Variants in CELSR1 observed in about 807,000 individuals in gnomAD.
CELSR1 encodes the protein cadherin EGF LAG seven-pass G-type receptor 1.
Under a neutral mutation model 249.1 loss-of-function variants are expected in CELSR1, and 110 were observed. The observed-to-expected ratio is 0.44, with a 90% CI of 0.38 to 0.52. The LOEUF (loss-of-function observed/expected upper bound fraction) is 0.52, where lower values mean the gene tolerates loss of function less well. Ranked by LOEUF, CELSR1 falls within the 20% of genes least tolerant of loss-of-function variation. The probability of loss-of-function intolerance (pLI) is 0.00; values close to 1 mark genes in which losing one functional copy is unlikely to be tolerated. For missense variants in CELSR1, 4,109 were observed against 4,296.4 expected, an observed-to-expected ratio of 0.96 and a Z score of 1.22; for synonymous variants, 2,113 against 1,900.0, an observed-to-expected ratio of 1.11 and a Z score of -2.92.
chr22:46,506,705 C>T lies in CELSR1; in HGVS notation c.3544+26922G>A, dbSNP rs2080518296. The stretch of plus-strand genomic sequence containing the variant: ...AGTGACGCACAGCCGCTGAGACAAG[C>T]CCAAATCGAGAGTTACGTTCTAATT... On this transcript the variant is annotated intron_variant, in intron 1 of 34. Transcript: ENST00000674500. The surrounding 1 kb of genome is among the most constrained non-coding windows in gnomAD (Gnocchi z 4.1). 6.6e-6 allele frequency among the ~76,000 whole-genome samples: 1 copy of T among 152,210 alleles called. No homozygotes were observed. The highest frequency in any genetic ancestry group is 2.1e-4 in the South Asian group (1 of 4,824).
In CELSR1 at chr22:46,390,576, ACC is replaced by A; in HGVS notation, c.6251-92_6251-91del. On this transcript the variant is annotated intron_variant, in intron 16 of 34. Coordinates refer to ENST00000674500, the MANE Select transcript of CELSR1 (RefSeq NM_001378328.1). The surrounding 1 kb of genome is among the most constrained non-coding windows in gnomAD (Gnocchi z 6.3). ...CAATCCACAATCTGAATATACTTAA[ACC>A]CAGAACACTGCGTGGTGGTTAGAAC... The A allele has an allele frequency of 9.4e-7, 1 of 1,062,378 alleles. No individual in the cohort carries two copies. The allele number at this position is 1,062,378 out of a possible 1,614,324, so 65.8% of individuals were successfully genotyped here. A position where few individuals can be genotyped will look rare whatever the true frequency, so the allele number is the denominator to read the frequency against.
chr22:46,462,708 T>A (rs968613442), intron 2 of CELSR1: 3 of 257,112 alleles, frequency 1.2e-5, no homozygotes, highest in Non-Finnish European at 2.3e-5. Flanking sequence ...GCTTATCAAA[T>A]GAGCCGTCAT....
chr22:46,456,919 G>T (rs1466873724), intron 2 of CELSR1, among the ~76,000 whole-genome samples: 2 of 151,772 alleles, frequency 1.3e-5, no homozygotes, highest in Non-Finnish European at 2.9e-5. Flanking sequence ...GCTCATACAG[G>T]ACAATTGCTA....
rs757960525 is a variant in CELSR1, at chr22:46,410,435, G to A, written c.4896C>T (p.Asp1632=). The A allele has an allele frequency of 5.0e-6, 8 of 1,614,080 alleles. No homozygotes were observed. The South Asian group carries it at 7.7e-5, about 16-fold the overall frequency. The change falls in exon 7 of 35, where the codon GAC becomes GAT. Residue 1632 remains aspartate (D), a synonymous_variant. Coordinates refer to ENST00000674500, the MANE Select transcript of CELSR1 (RefSeq NM_001378328.1). The surrounding 1 kb of genome is among the most constrained non-coding windows in gnomAD (Gnocchi z 6.8). ...CATTGTTGGCGATGAATCCGGCCAT[G>A]TCCACATTTTTGCCGTCGACTGACA... ...RNLSVDGKNV[D]MAGFIANNGT...
intron 2 of CELSR1, among the ~76,000 whole-genome samples, chr22:46,450,140 G>C (rs900562173): frequency 6.6e-6 from 1 of 152,322 alleles, no homozygotes; most frequent in Middle Eastern, 3.4e-3. Flanking sequence ...TCAGCAATGG[G>C]TCATGCACAG....
At chr22:46,377,399 G>T (rs112922664) in intron 23 of CELSR1, 138 bp from the exon 24 acceptor site, 2 of 917,542 alleles carry the variant, frequency 2.2e-6, no homozygotes, top group South Asian at 1.6e-5. Context: ...TGGGGAGGCC[G>T]AGTGCTCATG....
rs2147329518 is a variant in CELSR1 at position 46,410,091 on chromosome 22, C to A, written c.4934-211G>T. 6.6e-6 allele frequency among the ~76,000 whole-genome samples: 1 copy of A among 152,340 alleles called. No individual in the cohort carries two copies. Among genetic ancestry groups the A allele is most frequent in the African/African-American group, 2.4e-5 (1 of 41,578 alleles). On this transcript the variant is annotated intron_variant, in intron 7 of 34. Coordinates refer to ENST00000674500, the MANE Select transcript of CELSR1 (RefSeq NM_001378328.1). This position sits in a 1 kb window ranked among gnomAD's most constrained non-coding sequence, Gnocchi z 6.8. ...ATTTGGAGACGCTGGGACGCCAGGC[C>A]ATCACGGCAGCCGGCCCGGTCACCT... is the stretch of plus-strand genomic sequence containing the variant.
Position 46,399,356 on chromosome 22 carries a change from CG to C in CELSR1, c.5412+360del, listed in dbSNP as rs1361926644. Among the ~76,000 whole-genome samples, 1 of 152,190 alleles carries C rather than the reference CG, an allele frequency of 6.6e-6. No homozygotes were observed. Among genetic ancestry groups the C allele is most frequent in the East Asian group, 1.9e-4 (1 of 5,198 alleles). ...GCTCCCCATCCATGCTCTGAGGGCA[CG>C]GGCCCCAGCATTGCTACTTCAGTAC... On this transcript the variant is annotated intron_variant, in intron 10 of 34. Coordinates refer to ENST00000674500, the MANE Select transcript of CELSR1 (RefSeq NM_001378328.1). This position sits in a 1 kb window ranked among gnomAD's most constrained non-coding sequence, Gnocchi z 5.0.
chr22:46,365,098 C>G, intron 32 of CELSR1, 133 bp downstream of exon 32: 1 of 1,289,068 alleles, frequency 7.8e-7, no homozygotes, highest in Non-Finnish European at 1.0e-6. Context: ...GTCCCCCCAC[C>G]CCAGGCTGTC....
Position 46,364,587 on chromosome 22 carries a change from C to T in CELSR1, c.8704G>A (p.Gly2902Arg). ...LHREEQGSHR[G>R]EYPPDQESGG... ...CTCTCCTGGTCCGGGGGGTACTCTC[C>T]ACGGTGACTGCCCTGCTCCTCGCGG... Residue 2902 changes from glycine (G) to arginine (R), a missense_variant, in exon 33 of 35, where the codon GGA becomes AGA. Physicochemically the swap from Gly to Arg is moderately radical, Grantham distance 125. Coordinates refer to ENST00000674500, the MANE Select transcript of CELSR1 (RefSeq NM_001378328.1). 6.2e-7 allele frequency: 1 copy of T among 1,612,660 alleles called. No individual in the cohort carries two copies. The highest frequency in any genetic ancestry group is 8.5e-7 in the Non-Finnish European group (1 of 1,179,896).
chr22:46,421,943 A>C (rs1357626354), intron 5 of CELSR1, among the ~76,000 whole-genome samples: 1 of 152,198 alleles, frequency 6.6e-6, no homozygotes, highest in Non-Finnish European at 1.5e-5. Flanking sequence ...TTCCTATGAG[A>C]CAGAATCAAA....
chr22:46,419,760 AC>A (rs2079443943), intron 5 of CELSR1, among the ~76,000 whole-genome samples: 1 of 149,336 alleles, frequency 6.7e-6, no homozygotes, highest in Non-Finnish European at 1.5e-5. Context: ...TCAAACCCAC[AC>A]GTGCACACTC....
At chr22:46,525,546 C>T (rs993951758) in intron 1 of CELSR1, among the ~76,000 whole-genome samples, 28 of 152,084 alleles carry the variant, frequency 1.8e-4, no homozygotes, top group African/African-American at 6.5e-4. Context: ...CCCGTGTGTT[C>T]AGGTTACAGG....
chr22:46,520,980 G>T (rs1271294813), intron 1 of CELSR1, among the ~76,000 whole-genome samples: 1 of 152,112 alleles, frequency 6.6e-6, no homozygotes, highest in African/African-American at 2.4e-5. Flanking sequence ...TACAGAATTT[G>T]TGCTTTTCAG....
chr22:46,460,178 AACACACACACACACACACACACAC>A (rs544352270), intron 2 of CELSR1, among the ~76,000 whole-genome samples: 2 of 102,944 alleles, frequency 1.9e-5, no homozygotes, highest in Non-Finnish European at 4.1e-5. Context: ...TCAGTCTCAA[AACACACACACACACACACACACAC>A]ACACACACAC....
In CELSR1 at chr22:46,488,391, G is replaced by A. The variant is rs530875031; in HGVS notation, c.3545-24046C>T. Among the ~76,000 whole-genome samples the A allele has an allele frequency of 5.9e-5, 9 of 152,250 alleles. No individual in the cohort carries two copies. Among genetic ancestry groups the A allele is most frequent in the African/African-American group, 2.2e-4 (9 of 41,532 alleles). Reference sequence around the variant, plus strand: ...TCCTAAGCCCGCAGCTTCCCTGCTCGCCTACAGCCGGCGAGTGCAGCACAG... The same window carrying A: ...TCCTAAGCCCGCAGCTTCCCTGCTCACCTACAGCCGGCGAGTGCAGCACAG... On this transcript the variant is annotated intron_variant, in intron 1 of 34. Coordinates refer to ENST00000674500, the MANE Select transcript of CELSR1 (RefSeq NM_001378328.1). This position sits in a 1 kb window ranked among gnomAD's most constrained non-coding sequence, Gnocchi z 4.7.
At chr22:46,404,269 G>A (rs972323541) in intron 9 of CELSR1, among the ~76,000 whole-genome samples, 8 of 151,918 alleles carry the variant, frequency 5.3e-5, no homozygotes, top group Non-Finnish European at 8.8e-5. Flanking sequence ...AAAATTAGCT[G>A]GGCGTGGTGG....
intron 2 of CELSR1, among the ~76,000 whole-genome samples, chr22:46,457,319 C>T (rs1486914654): frequency 2.6e-5 from 4 of 151,694 alleles, no homozygotes; most frequent in South Asian, 2.1e-4. Flanking sequence ...CACTCCAGCC[C>T]GGGCAACAGA....
Position 46,408,048 on chromosome 22 carries a change from G to A in CELSR1, c.5226+948C>T, listed in dbSNP as rs770666582. Among the ~76,000 whole-genome samples the A allele has an allele frequency of 2.0e-5, 3 of 151,036 alleles. No homozygotes were observed. Among genetic ancestry groups the A allele is most frequent in the East Asian group, 3.9e-4 (2 of 5,186 alleles). On this transcript the variant is annotated intron_variant, in intron 9 of 34. Transcript: ENST00000674500. This position sits in a 1 kb window ranked among gnomAD's most constrained non-coding sequence, Gnocchi z 4.6. ...GGGCAGCCCGATGACAGAAGACAGG[G>A]CTCATAACTGTTTCTCAAACAAAGT... is the stretch of plus-strand genomic sequence containing the variant.
Sources: gnomAD v4.1 joint callset for allele counts (sites outside exome capture counted in the v4.1 genomes callset) on GRCh38, gnomAD v4.1.1 for gene constraint, Gnocchi (gnomAD v3.1) non-coding constraint, MANE v1.5 for transcripts, NCBI Gene and HGNC (gene_info 2026-07-23, HGNC 2026-07-21) for gene names.